The following CLINT1 variants were observed in gnomAD, a reference collection of about 807,000 sequenced individuals.
CLINT1 encodes clathrin interactor 1.
In CLINT1, 15 loss-of-function variants were observed where a neutral mutation model predicts 70.4. The observed-to-expected ratio is 0.21, with a 90% confidence interval of 0.14 to 0.33. The LOEUF (loss-of-function observed/expected upper bound fraction) is 0.33. CLINT1 is among the 10% of genes least tolerant of loss of function. CLINT1 has a pLI of 1.00. For synonymous variants in CLINT1, 227 were observed against 254.7 expected, an observed-to-expected ratio of 0.89 and a Z score of 1.04; for missense variants, 615 against 778.1, an observed-to-expected ratio of 0.79 and a Z score of 2.49.
chr5:157,798,405 C>T (rs1762123490), intron 8 of CLINT1, among the ~76,000 whole-genome samples: 1 of 152,090 alleles, frequency 6.6e-6, no homozygotes. Flanking sequence ...ATTTAGTCAC[C>T]AGCTGGGAAC....
At chr5:157,818,413 CT>C in intron 1 of CLINT1, among the ~76,000 whole-genome samples, 1 of 141,432 alleles carries the variant, frequency 7.1e-6, no homozygotes, top group Non-Finnish European at 1.5e-5. Flanking sequence ...GCTATTATTA[CT>C]ATCAAATATA....
rs183631066 is a variant in CLINT1, at chr5:157,815,547, G to T, written c.243+1187C>A. ...GAAAATCTAGTTAGGCGGAAAGGAG[G>T]GGGTGGCAAAAACAAAAAAAATTTA... On this transcript the variant is annotated intron_variant, in intron 3 of 11. Transcript: ENST00000411809. 4.8e-4 allele frequency among the ~76,000 whole-genome samples: 73 copies of T among 152,168 alleles called. 1 individual carries two copies. The highest frequency in any genetic ancestry group is 1.7e-3 in the African/African-American group (71 of 41,502).
chr5:157,813,047 T>G lies in CLINT1; in HGVS notation c.517+16A>C. 4 of 1,609,456 alleles carry G rather than the reference T, an allele frequency of 2.5e-6. No homozygotes were observed. The highest frequency in any genetic ancestry group is 3.4e-6 in the Non-Finnish European group (4 of 1,177,204). ...CTAAGCTGATGCTTAGGTGTCAGCTTGTCTTTGATACTCACTGTATCTGAA... is the reference window on the plus strand; with the variant it reads ...CTAAGCTGATGCTTAGGTGTCAGCTGGTCTTTGATACTCACTGTATCTGAA... On this transcript the variant is annotated intron_variant, in intron 5 of 11. Coordinates refer to ENST00000411809, the MANE Select transcript of CLINT1 (RefSeq NM_014666.4).
intron 3 of CLINT1, among the ~76,000 whole-genome samples, chr5:157,815,993 A>T (rs1339305189): frequency 1.3e-5 from 2 of 152,228 alleles, no homozygotes; most frequent in African/African-American, 2.4e-5. Flanking sequence ...AAGAATTTTT[A>T]AAAAACCAAA....
intron 8 of CLINT1, among the ~76,000 whole-genome samples, chr5:157,797,178 C>T (rs973375832): frequency 5.3e-5 from 8 of 152,080 alleles, no homozygotes; most frequent in Non-Finnish European, 1.2e-4. Context: ...GCTTAATATT[C>T]GTAAGTTTGT....
rs1431453001 is a variant in CLINT1 at position 157,794,949 on chromosome 5, C to T, written c.1036G>A (p.Gly346Arg). The change falls in exon 9 of 12, where the codon GGA (glycine) becomes AGA (arginine). Residue 346 changes from glycine (G) to arginine (R), a missense_variant. By Grantham distance (125) the Gly-to-Arg change is moderately radical (BLOSUM62 -2). This residue lies in a region of CLINT1 where 374 missense variants were observed against 409.6 expected (regional missense o/e 0.91). Coordinates refer to ENST00000411809, the MANE Select transcript of CLINT1 (RefSeq NM_014666.4). ...STGGSADLFG[G>R]FADFGSAAAS... ...GCAGCTGAGCCAAAGTCAGCAAATCCTCCGAATAAATCAGCTGATCCTCCT... is the reference window on the plus strand; with the variant it reads ...GCAGCTGAGCCAAAGTCAGCAAATCTTCCGAATAAATCAGCTGATCCTCCT... The T allele has an allele frequency of 6.4e-7, 1 of 1,554,870 alleles. No homozygotes were observed. Among genetic ancestry groups the T allele is most frequent in the Non-Finnish European group, 8.7e-7 (1 of 1,148,700 alleles).
intron 1 of CLINT1, among the ~76,000 whole-genome samples, chr5:157,838,037 T>G (rs964690078): frequency 1.3e-5 from 2 of 152,128 alleles, no homozygotes; most frequent in African/African-American, 4.8e-5. Flanking sequence ...ATTTTTCAGC[T>G]TTATATACAT....
intron 1 of CLINT1, among the ~76,000 whole-genome samples, chr5:157,826,411 G>C (rs141302767): frequency 1.8e-3 from 272 of 152,116 alleles, no homozygotes; most frequent in Middle Eastern, 3.4e-3. Flanking sequence ...AAGTTGATGT[G>C]TTCCTCTCTA....
At chr5:157,800,262 C>T (rs1762170630) in intron 8 of CLINT1, among the ~76,000 whole-genome samples, 1 of 152,112 alleles carries the variant, frequency 6.6e-6, no homozygotes, top group Non-Finnish European at 1.5e-5. Flanking sequence ...TGAACATTTT[C>T]TCAGAGGATA....
At chr5:157,813,292 G>T in intron 4 of CLINT1, 65 bp from the exon 5 acceptor site, 2 of 1,363,262 alleles carry the variant, frequency 1.5e-6, no homozygotes, top group East Asian at 2.6e-5. Context: ...AGCTCTTTAA[G>T]ATTAAAAAAA....
chr5:157,818,604 G>A lies in CLINT1; in HGVS notation c.42-1057C>T, dbSNP rs111920802. On this transcript the variant is annotated intron_variant, in intron 1 of 11. Coordinates refer to ENST00000411809, the MANE Select transcript of CLINT1 (RefSeq NM_014666.4). The stretch of plus-strand genomic sequence containing the variant: ...GTCAAGGCTTCAGGGAGCCATGACC[G>A]CCCAACTGTACCCCAGCCTGGGCAA... Among the ~76,000 whole-genome samples, 903 of 151,236 alleles carry A rather than the reference G, an allele frequency of 6.0e-3. 7 individuals are homozygous for A. Among genetic ancestry groups the A allele is most frequent in the East Asian group, 9.7e-3 (50 of 5,148 alleles).
In CLINT1 at chr5:157,816,843, T is replaced by C. The variant is rs1303239488; in HGVS notation, c.147-13A>G. 1 of 1,583,848 alleles carries C rather than the reference T, an allele frequency of 6.3e-7. No individual in the cohort carries two copies. Among genetic ancestry groups the C allele is most frequent in the East Asian group, 2.3e-5 (1 of 44,166 alleles). ...CATAAATGTAGCCCTGAAAAAAGAA[T>C]CATTCTTTAAGAGTCTGCAATATAT... On this transcript the variant is annotated splice_polypyrimidine_tract_variant and intron_variant, in intron 2 of 11. Coordinates refer to ENST00000411809, the MANE Select transcript of CLINT1 (RefSeq NM_014666.4).
In CLINT1 at chr5:157,839,114, A is replaced by C. The variant is rs184657295; in HGVS notation, c.41+19816T>G. ...TGTGGTGGTGTATGCCTGTAGTCCC[A>C]GGTACTAGGGAGGCTGAGGTGGGAG... is the stretch of plus-strand genomic sequence containing the variant. On this transcript the variant is annotated intron_variant, in intron 1 of 11. Coordinates refer to ENST00000411809, the MANE Select transcript of CLINT1 (RefSeq NM_014666.4). Among the ~76,000 whole-genome samples the C allele has an allele frequency of 4.9e-3, 746 of 152,276 alleles. 6 individuals carry two copies. The highest frequency in any genetic ancestry group is 0.017 in the African/African-American group (710 of 41,548).
At chr5:157,847,562 T>A (rs138808286) in intron 1 of CLINT1, among the ~76,000 whole-genome samples, 63 of 150,822 alleles carry the variant, frequency 4.2e-4, no homozygotes, top group Middle Eastern at 3.4e-3. Context: ...TTTACAGGAG[T>A]CTGGAAGTTG....
At position 157,794,907 on chromosome 5, in the gene CLINT1, G is replaced by A. The variant is rs1232440868; in HGVS notation, c.1078C>T (p.Pro360Ser). 1 of 1,558,184 alleles carries A rather than the reference G, an allele frequency of 6.4e-7. No homozygotes were observed. Among genetic ancestry groups the A allele is most frequent in the Admixed American group, 1.9e-5 (1 of 51,834 alleles). The change falls in exon 9 of 12, where the codon CCT becomes TCT. Residue 360 changes from proline (P) to serine (S), a missense_variant. Pro to Ser is a moderately conservative substitution (Grantham distance 74). Transcript: ENST00000411809. ...TCAAATTGAATCATACCTTGGGAAG[G>A]GAAACTGCCTGATGCAGCAGCTGAG... is the stretch of plus-strand genomic sequence containing the variant. The part of the protein sequence containing the change: ...FGSAAASGSF[P>S]SQVTATSGNG...
chr5:157,811,539 A>C (rs1762558001), intron 5 of CLINT1, among the ~76,000 whole-genome samples: 1 of 151,948 alleles, frequency 6.6e-6, no homozygotes, highest in African/African-American at 2.4e-5. Flanking sequence ...CAAAAAAAAA[A>C]AAAAAGAAAA....
chr5:157,845,210 G>A (rs1145600), intron 1 of CLINT1, among the ~76,000 whole-genome samples: 20,317 of 151,962 alleles, frequency 0.13, 1,788 homozygotes, highest in African/African-American at 0.25. Flanking sequence ...ATAGCCTGGC[G>A]TGGTGGCACA....
At chr5:157,847,035 AC>A (rs35154009) in intron 1 of CLINT1, among the ~76,000 whole-genome samples, 2,252 of 152,298 alleles carry the variant, frequency 0.015, 53 homozygotes, top group African/African-American at 0.051. Context: ...ATGTCTGCTA[AC>A]ACAATGTTCG....
intron 1 of CLINT1, among the ~76,000 whole-genome samples, chr5:157,850,369 G>A (rs554435778): frequency 3.3e-5 from 5 of 152,180 alleles, no homozygotes; most frequent in Admixed American, 2.6e-4. Flanking sequence ...TATAATCCTA[G>A]CACTTTGGGA....
Sources: allele counts gnomAD v4.1 joint callset (sites outside exome capture counted in the v4.1 genomes callset), GRCh38; gene constraint gnomAD v4.1.1; regional missense constraint gnomAD v4.1.1; transcripts MANE v1.5; gene names NCBI Gene and HGNC (gene_info 2026-07-23, HGNC 2026-07-21).